The following DLGAP2 variants were observed in gnomAD, a reference collection of about 807,000 sequenced individuals.
DLGAP2 encodes the protein DLG associated protein 2.
A neutral mutation model predicts 100.3 loss-of-function variants in DLGAP2; 26 were observed. The ratio of observed to expected loss-of-function variants is 0.26; its 90% confidence interval spans 0.19 to 0.36. The LOEUF is 0.36. Among genes scored for constraint, DLGAP2 ranks in the 10% least tolerant of loss-of-function variants. DLGAP2 has a pLI of 1.00. For missense variants in DLGAP2, 1,858 were observed against 1,453.2 expected (o/e 1.28, Z -4.53); for synonymous variants, 886 against 630.1 (o/e 1.41, Z -6.08).
intron 2 of DLGAP2, among the ~76,000 whole-genome samples, chr8:1,082,763 G>A (rs967033812): frequency 6.6e-6 from 1 of 152,140 alleles, no homozygotes; most frequent in African/African-American, 2.4e-5. Flanking sequence ...AACCTGGTAG[G>A]AACAAAACAC....
Position 1,549,208 on chromosome 8 carries a change from G to A in DLGAP2, c.755G>A (p.Ser252Asn). ...KSHSLEGSSK[S>N]NANGTKADGR... is the part of the protein sequence containing the mutation. ...CACTCGCTGGAGGGCTCCTCCAAAA[G>A]CAACGCCAACGGCACCAAGGCGGAC... Residue 252 changes from serine to asparagine, a missense_variant, in exon 5 of 15, where the codon AGC becomes AAC. Ser to Asn is a conservative substitution (Grantham distance 46). Coordinates refer to ENST00000637795, the MANE Select transcript of DLGAP2 (RefSeq NM_001346810.2). 6.2e-7 allele frequency: 1 copy of A among 1,602,366 alleles called. No homozygotes were observed.
intron 2 of DLGAP2, among the ~76,000 whole-genome samples, chr8:1,228,078 T>C (rs1798458976): frequency 6.7e-6 from 1 of 150,274 alleles, no homozygotes; most frequent in Non-Finnish European, 1.5e-5. Flanking sequence ...GGGCCTGTTG[T>C]GGGGTGGGGG....
intron 13 of DLGAP2, among the ~76,000 whole-genome samples, chr8:1,692,411 G>A (rs1430852188): frequency 9.7e-5 from 13 of 133,830 alleles, no homozygotes; most frequent in African/African-American, 3.7e-4. Context: ...ACCGAGGCAG[G>A]GAGGCGGATA....
intron 2 of DLGAP2, among the ~76,000 whole-genome samples, chr8:1,137,930 G>T (rs1487573776): frequency 1.3e-5 from 2 of 152,134 alleles, no homozygotes; most frequent in African/African-American, 4.8e-5. Flanking sequence ...AGCTGGGACT[G>T]CAGGCATGGG....
At chr8:746,893 G>A (rs1173919751) in intron 1 of DLGAP2, among the ~76,000 whole-genome samples, 1 of 152,208 alleles carries the variant, frequency 6.6e-6, no homozygotes, top group Non-Finnish European at 1.5e-5. Flanking sequence ...TGCGAGGACG[G>A]TGCCCCTGTT....
At chr8:1,140,317 C>T (rs546331476) in intron 2 of DLGAP2, among the ~76,000 whole-genome samples, 2 of 141,022 alleles carry the variant, frequency 1.4e-5, no homozygotes, top group South Asian at 2.2e-4. Flanking sequence ...CCACGCCTTC[C>T]CTCTGGCCTC....
chr8:1,574,723 C>G (rs545758887), intron 6 of DLGAP2, among the ~76,000 whole-genome samples: 40 of 152,272 alleles, frequency 2.6e-4, no homozygotes, highest in African/African-American at 8.9e-4. Context: ...AGTTGGTTGA[C>G]CCACATTAAA....
chr8:1,305,313 T>C (rs1800465224), intron 3 of DLGAP2, among the ~76,000 whole-genome samples: 1 of 152,224 alleles, frequency 6.6e-6, no homozygotes, highest in Non-Finnish European at 1.5e-5. Context: ...GTGGCTGTTG[T>C]TTCTGGGATA....
chr8:1,364,898 G>A (rs148624475), intron 3 of DLGAP2, among the ~76,000 whole-genome samples: 175 of 152,258 alleles, frequency 1.1e-3, no homozygotes, highest in African/African-American at 3.9e-3. Context: ...TTCATGGCAG[G>A]GGGTAGTTTT....
chr8:1,651,410 G>A (rs1187188957), intron 8 of DLGAP2, among the ~76,000 whole-genome samples: 1 of 152,198 alleles, frequency 6.6e-6, no homozygotes, highest in African/African-American at 2.4e-5. Context: ...TGTGGCACCA[G>A]CTGCTGGTGA....
chr8:1,593,806 C>G (rs1380793183), intron 6 of DLGAP2, among the ~76,000 whole-genome samples: 1 of 152,142 alleles, frequency 6.6e-6, no homozygotes, highest in African/African-American at 2.4e-5. Context: ...TGCCGTAGAT[C>G]CTCTCCCTCC....
At chr8:902,035 G>A (rs1254000725) in intron 1 of DLGAP2, among the ~76,000 whole-genome samples, 1 of 152,168 alleles carries the variant, frequency 6.6e-6, no homozygotes, top group Non-Finnish European at 1.5e-5. Context: ...GGGGTTCCAA[G>A]CCATGGTCAT....
At chr8:1,187,487 C>G (rs1001258199) in intron 2 of DLGAP2, among the ~76,000 whole-genome samples, 21 of 137,584 alleles carry the variant, frequency 1.5e-4, no homozygotes, top group Admixed American at 6.3e-4. Context: ...CTCACGGAAT[C>G]TCACACACCC....
At chr8:1,379,176 A>G (rs7386121) in intron 3 of DLGAP2, among the ~76,000 whole-genome samples, 152,013 of 152,390 alleles carry the variant, frequency 1, 75,823 homozygotes, top group Middle Eastern at 1. Flanking sequence ...CGTCAGCCTC[A>G]CGGGGCCACC....
chr8:1,075,364 A>G (rs1034403742), intron 2 of DLGAP2, among the ~76,000 whole-genome samples: 1 of 152,080 alleles, frequency 6.6e-6, no homozygotes, highest in Non-Finnish European at 1.5e-5. Context: ...CCGCAGGAGG[A>G]GAACCGCGGC....
At chr8:868,810 C>G (rs1046995407) in intron 1 of DLGAP2, among the ~76,000 whole-genome samples, 20 of 152,204 alleles carry the variant, frequency 1.3e-4, no homozygotes, top group African/African-American at 4.3e-4. Context: ...ACCTCCGGGC[C>G]TAGAGAGCGC....
At chr8:1,654,964 G>A (rs865964847) in intron 8 of DLGAP2, among the ~76,000 whole-genome samples, 1 of 152,224 alleles carries the variant, frequency 6.6e-6, no homozygotes, top group Non-Finnish European at 1.5e-5. Flanking sequence ...GCCGTGTGAT[G>A]TGATGTTCAA....
intron 2 of DLGAP2, among the ~76,000 whole-genome samples, chr8:1,233,878 G>A (rs1446995171): frequency 6.6e-6 from 1 of 152,198 alleles, no homozygotes; most frequent in African/African-American, 2.4e-5. Context: ...ACATGATAGT[G>A]TCACACGGAT....
intron 4 of DLGAP2, among the ~76,000 whole-genome samples, chr8:1,544,056 CT>C (rs946401259): frequency 5.3e-5 from 8 of 152,184 alleles, no homozygotes; most frequent in Admixed American, 4.6e-4. Context: ...GTGCCTACTA[CT>C]ATGCCTGGCT....
Sources: gnomAD v4.1 joint callset for allele counts (sites outside exome capture counted in the v4.1 genomes callset) on GRCh38, gnomAD v4.1.1 for gene constraint, MANE v1.5 for transcripts, NCBI Gene and HGNC (gene_info 2026-07-23, HGNC 2026-07-21) for gene names.